Variants in CSRNP3 observed in about 807,000 individuals in gnomAD.
The protein encoded by CSRNP3 is cysteine and serine rich nuclear protein 3, also known as cysteine/serine-rich nuclear protein 3.
A neutral mutation model predicts 48.0 loss-of-function variants in CSRNP3; 12 were observed. The observed-to-expected ratio is 0.25, with a 90% confidence interval of 0.16 to 0.41. The LOEUF is 0.41. CSRNP3 is among the 10% of genes least tolerant of loss of function. The pLI is 1.00. For missense variants in CSRNP3, 580 were observed against 724.4 expected (o/e 0.80, Z 2.29); for synonymous variants, 263 against 269.7 (o/e 0.98, Z 0.24).
At chr2:165,604,128 G>T (rs898916060) in intron 4 of CSRNP3, among the ~76,000 whole-genome samples, 3 of 152,194 alleles carry the variant, frequency 2.0e-5, no homozygotes, top group Non-Finnish European at 4.4e-5. Flanking sequence ...GTATTAGGAG[G>T]TGGAAATATA....
intron 4 of CSRNP3, among the ~76,000 whole-genome samples, chr2:165,607,575 A>G (rs2105307034): frequency 6.6e-6 from 1 of 152,314 alleles, no homozygotes; most frequent in South Asian, 2.1e-4. Flanking sequence ...CACTGTATAT[A>G]CAGTTATATG....
rs762480588 is a variant in CSRNP3 at position 165,679,683 on chromosome 2, G to A, written c.1688G>A (p.Ser563Asn). 1.4e-5 allele frequency: 22 copies of A among 1,614,018 alleles called. No homozygotes were observed. The highest frequency in any genetic ancestry group is 1.8e-5 in the Non-Finnish European group (21 of 1,180,014). Residue 563 changes from serine to asparagine, a missense_variant, in exon 7 of 7, where the codon AGC becomes AAC. Around this residue, in one of 4 missense-constraint regions of CSRNP3, gnomAD observed 369 missense variants for 380.8 expected, o/e 0.97. Transcript: ENST00000651982. ...ISEHPAENSL[S>N]LAEKSILHEE... is the part of the protein sequence containing the mutation. ...GAGCATCCTGCTGAAAATTCTTTGAGCCTTGCAGAAAAGAGCATATTGCAT... is the reference window on the plus strand; with the variant it reads ...GAGCATCCTGCTGAAAATTCTTTGAACCTTGCAGAAAAGAGCATATTGCAT...
intron 3 of CSRNP3, among the ~76,000 whole-genome samples, chr2:165,592,802 A>ATTTT (rs34523205): frequency 7.2e-6 from 1 of 139,852 alleles, no homozygotes; most frequent in Non-Finnish European, 1.5e-5. Context: ...ACCTCTTTTC[A>ATTTT]TTTTTTTTTT....
At chr2:165,663,791 A>G (rs1044276913) in intron 5 of CSRNP3, among the ~76,000 whole-genome samples, 1 of 152,198 alleles carries the variant, frequency 6.6e-6, no homozygotes, top group African/African-American at 2.4e-5. Context: ...GCTTGAAATC[A>G]GCTATGATGG....
chr2:165,567,897 G>A (rs1298665120), intron 3 of CSRNP3, among the ~76,000 whole-genome samples: 1 of 151,946 alleles, frequency 6.6e-6, no homozygotes, highest in Non-Finnish European at 1.5e-5. Flanking sequence ...TTTTCACAAT[G>A]CTGGAAAGTT....
At chr2:165,577,910 G>C (rs1401755600) in intron 3 of CSRNP3, among the ~76,000 whole-genome samples, 1 of 151,874 alleles carries the variant, frequency 6.6e-6, no homozygotes, top group Non-Finnish European at 1.5e-5. Context: ...CATACATATA[G>C]TATAGGAACA....
intron 3 of CSRNP3, among the ~76,000 whole-genome samples, chr2:165,544,510 G>A (rs1442971792): frequency 6.8e-6 from 1 of 147,158 alleles, no homozygotes; most frequent in Admixed American, 6.6e-5. Context: ...TGGCAACTGT[G>A]TTAAAAGTTG....
At chr2:165,533,443 A>G (rs537946515) in intron 3 of CSRNP3, among the ~76,000 whole-genome samples, 6 of 152,194 alleles carry the variant, frequency 3.9e-5, no homozygotes, top group African/African-American at 1.2e-4. Context: ...TTACTTAGCC[A>G]TCTTTACTGA....
intron 1 of CSRNP3, among the ~76,000 whole-genome samples, chr2:165,483,859 C>G (rs1005237173): frequency 2.0e-5 from 3 of 152,062 alleles, no homozygotes; most frequent in African/African-American, 7.2e-5. Context: ...AATAACACCA[C>G]CTTGGGGGTT....
chr2:165,519,253 C>A (rs1574817334), intron 3 of CSRNP3, among the ~76,000 whole-genome samples: 1 of 150,784 alleles, frequency 6.6e-6, no homozygotes, highest in South Asian at 2.1e-4. Flanking sequence ...ATGAAAAGAG[C>A]AAAGGTGGCA....
intron 5 of CSRNP3, among the ~76,000 whole-genome samples, chr2:165,662,494 C>G (rs1687114580): frequency 6.6e-6 from 1 of 152,182 alleles, no homozygotes; most frequent in South Asian, 2.1e-4. Flanking sequence ...CCCATTCAAA[C>G]ATGTCATACT....
intron 4 of CSRNP3, among the ~76,000 whole-genome samples, chr2:165,615,139 A>G (rs1686215945): frequency 6.6e-6 from 1 of 152,166 alleles, no homozygotes; most frequent in African/African-American, 2.4e-5. Context: ...TCATCTTTCC[A>G]ATGCTGAAAT....
chr2:165,578,765 TTG>T (rs1558939487), intron 3 of CSRNP3, among the ~76,000 whole-genome samples: 1 of 152,058 alleles, frequency 6.6e-6, no homozygotes, highest in African/African-American at 2.4e-5. Flanking sequence ...AAAGCTTTTA[TTG>T]TGTTGTATAT....
In CSRNP3 at chr2:165,560,570, T is replaced by C. The variant is rs75868609; in HGVS notation, c.-23-34473T>C. ...CTGGTTCCCACTGAGTGAGTCTCTCTATTCCCTACAGCCATCTTATCTACT... is the reference window on the plus strand; with the variant it reads ...CTGGTTCCCACTGAGTGAGTCTCTCCATTCCCTACAGCCATCTTATCTACT... On this transcript the variant is annotated intron_variant, in intron 3 of 6. Transcript: ENST00000651982. 1.3e-3 allele frequency among the ~76,000 whole-genome samples: 191 copies of C among 152,332 alleles called. 2 individuals carry two copies. The East Asian group carries it at 0.024, about 19-fold the overall frequency.
At chr2:165,676,923 T>C (rs533878447) in intron 6 of CSRNP3, among the ~76,000 whole-genome samples, 4 of 152,352 alleles carry the variant, frequency 2.6e-5, no homozygotes, top group African/African-American at 9.6e-5. Flanking sequence ...TTTTTACCAA[T>C]GTTGAAGGAG....
At chr2:165,548,956 C>A (rs2105258395) in intron 3 of CSRNP3, among the ~76,000 whole-genome samples, 1 of 151,434 alleles carries the variant, frequency 6.6e-6, no homozygotes, top group African/African-American at 2.4e-5. Context: ...TATCTTCCCA[C>A]TGCTTACCTT....
chr2:165,555,667 C>T (rs1321221535), intron 3 of CSRNP3, among the ~76,000 whole-genome samples: 2 of 152,124 alleles, frequency 1.3e-5, no homozygotes, highest in African/African-American at 4.8e-5. Context: ...GGACCACTAT[C>T]AATACAATTG....
chr2:165,515,338 C>CATAT (rs60927595), intron 2 of CSRNP3, among the ~76,000 whole-genome samples: 14,026 of 142,072 alleles, frequency 0.099, 1,027 homozygotes, highest in East Asian at 0.37. Flanking sequence ...AAAAAAAATA[C>CATAT]ATATATATAT....
At chr2:165,478,054 G>A (rs1296723039) in intron 1 of CSRNP3, among the ~76,000 whole-genome samples, 1 of 148,288 alleles carries the variant, frequency 6.7e-6, no homozygotes, top group Non-Finnish European at 1.5e-5. Flanking sequence ...AGGAAGGAAA[G>A]GAAAGAAACG....
Sources: gnomAD v4.1 joint callset for allele counts (sites outside exome capture counted in the v4.1 genomes callset) on GRCh38, gnomAD v4.1.1 for gene constraint, gnomAD v4.1.1 regional missense constraint, MANE v1.5 for transcripts, NCBI Gene and HGNC (gene_info 2026-07-23, HGNC 2026-07-21) for gene names.